Variants in AFF3 observed in about 807,000 individuals in gnomAD.
AFF3 encodes the protein AF4/FMR2 family member 3.
Under a neutral mutation model 129.7 loss-of-function variants are expected in AFF3, and 32 were observed. The observed-to-expected ratio is 0.25, with a 90% confidence interval of 0.19 to 0.33. The LOEUF (loss-of-function observed/expected upper bound fraction) is 0.33, where lower values mean the gene tolerates loss of function less well. AFF3 is among the 10% of genes least tolerant of loss of function. The pLI is 1.00. For synonymous variants in AFF3, 644 were observed against 635.4 expected (o/e 1.01, Z -0.20); for missense variants, 1,373 against 1,592.0 (o/e 0.86, Z 2.34).
chr2:99,581,007 T>A (rs1677485742), intron 17 of AFF3, among the ~76,000 whole-genome samples: 1 of 152,234 alleles, frequency 6.6e-6, no homozygotes, highest in South Asian at 2.1e-4. Flanking sequence ...TTTTTAGTAC[T>A]GAAACCATTG....
In AFF3 at chr2:100,017,655, A is replaced by C. The variant is rs1307260144; in HGVS notation, c.54-8723T>G. On this transcript the variant is annotated intron_variant, in intron 4 of 24. Coordinates refer to ENST00000672756, the MANE Select transcript of AFF3 (RefSeq NM_001386135.1). Reference sequence around the variant, plus strand: ...TCCCAGGCCCATCTGGCCCATGTTAAATGTTGCTAGTAACAACTACTCTAC... The same window carrying C: ...TCCCAGGCCCATCTGGCCCATGTTACATGTTGCTAGTAACAACTACTCTAC... Among the ~76,000 whole-genome samples the C allele has an allele frequency of 4.6e-5, 7 of 152,300 alleles. No individual in the cohort carries two copies. In the South Asian group the frequency reaches 1.4e-3, roughly 32 times the overall value.
chr2:99,769,416 ATTTC>A (rs1683284306), intron 8 of AFF3, among the ~76,000 whole-genome samples: 1 of 152,212 alleles, frequency 6.6e-6, no homozygotes, highest in Admixed American at 6.5e-5. Flanking sequence ...GTTACCTTGA[ATTTC>A]TTTGAGTTTC....
intron 12 of AFF3, among the ~76,000 whole-genome samples, chr2:99,652,449 AG>A (rs1057081703): frequency 6.6e-6 from 1 of 152,168 alleles, no homozygotes; most frequent in African/African-American, 2.4e-5. Flanking sequence ...AAAATGACAA[AG>A]GGTGCCTGCA....
At chr2:99,668,857 C>A (rs1043501877) in intron 12 of AFF3, among the ~76,000 whole-genome samples, 1 of 152,128 alleles carries the variant, frequency 6.6e-6, no homozygotes, top group Non-Finnish European at 1.5e-5. Flanking sequence ...CCACTGTGGC[C>A]GACCTAACAT....
chr2:99,617,288 C>T (rs1265684785), intron 13 of AFF3, among the ~76,000 whole-genome samples: 1 of 152,212 alleles, frequency 6.6e-6, no homozygotes, highest in Non-Finnish European at 1.5e-5. Context: ...GCATGGGGTT[C>T]TAACTTCTCC....
At chr2:99,908,635 AC>A (rs1176226013) in intron 7 of AFF3, among the ~76,000 whole-genome samples, 2 of 152,234 alleles carry the variant, frequency 1.3e-5, no homozygotes, top group African/African-American at 4.8e-5. Flanking sequence ...CAAGAAAAAA[AC>A]AAACAACCCC....
At chr2:99,913,502 G>A (rs540637871) in intron 7 of AFF3, among the ~76,000 whole-genome samples, 3 of 152,150 alleles carry the variant, frequency 2.0e-5, no homozygotes, top group South Asian at 2.1e-4. Context: ...ACAGATATAC[G>A]TATGTATATG....
At chr2:99,925,243 T>C (rs1393824156) in intron 7 of AFF3, among the ~76,000 whole-genome samples, 1 of 152,184 alleles carries the variant, frequency 6.6e-6, no homozygotes, top group Non-Finnish European at 1.5e-5. Flanking sequence ...TATTTTATTA[T>C]TATTGTACAT....
chr2:100,072,652 G>A (rs1303947102), intron 4 of AFF3, among the ~76,000 whole-genome samples: 2 of 152,036 alleles, frequency 1.3e-5, no homozygotes, highest in East Asian at 1.9e-4. Flanking sequence ...CACAACAAAC[G>A]GAAACATCTC....
At chr2:99,588,869 A>G (rs1305032203) in intron 15 of AFF3, among the ~76,000 whole-genome samples, 1 of 152,216 alleles carries the variant, frequency 6.6e-6, no homozygotes, top group African/African-American at 2.4e-5. Flanking sequence ...AAAGAGCACT[A>G]TAAGAATGTT....
intron 4 of AFF3, chr2:100,011,440 T>C (rs1197516499): frequency 1.3e-6 from 1 of 780,416 alleles, no homozygotes; most frequent in East Asian, 2.4e-5. Flanking sequence ...AGCAGGCAGG[T>C]GGTCATTGAG....
chr2:99,854,173 GA>G (rs1405783852), intron 7 of AFF3, among the ~76,000 whole-genome samples: 1 of 150,322 alleles, frequency 6.7e-6, no homozygotes, highest in Non-Finnish European at 1.5e-5. Context: ...CAGGCAGTAG[GA>G]ATATCTGCCA....
intron 11 of AFF3, among the ~76,000 whole-genome samples, chr2:99,697,543 C>G (rs938137799): frequency 6.6e-6 from 1 of 152,242 alleles, no homozygotes; most frequent in Non-Finnish European, 1.5e-5. Context: ...GGACATACCT[C>G]TACTGTTAAC....
intron 4 of AFF3, among the ~76,000 whole-genome samples, chr2:100,100,854 G>A (rs943935298): frequency 2.6e-5 from 4 of 152,220 alleles, no homozygotes. Context: ...GTGGACCACA[G>A]AAGGAAGACC....
intron 11 of AFF3, among the ~76,000 whole-genome samples, chr2:99,709,229 A>G (rs1677682374): frequency 6.6e-6 from 1 of 152,136 alleles, no homozygotes; most frequent in African/African-American, 2.4e-5. Flanking sequence ...TTTTTGAAAA[A>G]AGTATGAGTT....
intron 4 of AFF3, among the ~76,000 whole-genome samples, chr2:100,051,481 G>T (rs1205817451): frequency 1.3e-5 from 2 of 152,166 alleles, no homozygotes; most frequent in East Asian, 3.8e-4. Flanking sequence ...TCCAGAAAAG[G>T]AAGAATTAGG....
intron 7 of AFF3, among the ~76,000 whole-genome samples, chr2:99,878,817 T>C (rs1692483727): frequency 6.6e-6 from 1 of 152,228 alleles, no homozygotes; most frequent in Non-Finnish European, 1.5e-5. Context: ...CTTTCTGTTT[T>C]AGAGCATTCT....
chr2:99,827,644 T>G (rs989320510), intron 8 of AFF3, among the ~76,000 whole-genome samples: 9 of 150,316 alleles, frequency 6.0e-5, no homozygotes, highest in Middle Eastern at 3.5e-3. Flanking sequence ...GCACTGAAGA[T>G]ATATATATAT....
chr2:99,989,616 T>C (rs17352514), intron 7 of AFF3, among the ~76,000 whole-genome samples: 16,322 of 152,234 alleles, frequency 0.11, 1,215 homozygotes, highest in Non-Finnish European at 0.15. Flanking sequence ...CAAAGCCTTA[T>C]AGCTAGTCTC....
Sources: allele counts gnomAD v4.1 joint callset (sites outside exome capture counted in the v4.1 genomes callset), GRCh38; gene constraint gnomAD v4.1.1; transcripts MANE v1.5; gene names NCBI Gene and HGNC (gene_info 2026-07-23, HGNC 2026-07-21).